Variants in RBMS3 observed in about 807,000 individuals in gnomAD.
The protein encoded by RBMS3 is RNA binding motif single stranded interacting protein 3, also known as RNA-binding motif, single-stranded-interacting protein 3.
Under a neutral mutation model 66.8 loss-of-function variants are expected in RBMS3, and 27 were observed. The ratio of observed to expected loss-of-function variants is 0.40; its 90% CI spans 0.30 to 0.56. The LOEUF is 0.56. Among genes scored for constraint, RBMS3 ranks in the 20% least tolerant of loss-of-function variants. The pLI is 0.40. For missense variants in RBMS3, 513 were observed against 549.5 expected (o/e 0.93, Z 0.66); for synonymous variants, 188 against 183.0 (o/e 1.03, Z -0.22).
At chr3:29,615,629 G>T (rs575150120) in intron 4 of RBMS3, among the ~76,000 whole-genome samples, 1 of 151,918 alleles carries the variant, frequency 6.6e-6, no homozygotes, top group Non-Finnish European at 1.5e-5. Flanking sequence ...TAATTACAGC[G>T]CTTTGGGGTG....
At chr3:29,777,675 A>G (rs2149404541) in intron 6 of RBMS3, among the ~76,000 whole-genome samples, 1 of 151,982 alleles carries the variant, frequency 6.6e-6, no homozygotes, top group South Asian at 2.1e-4. Flanking sequence ...TTCTATTGCT[A>G]CTTTCTCCAG....
intron 4 of RBMS3, among the ~76,000 whole-genome samples, chr3:29,689,261 C>T (rs1416379073): frequency 6.6e-6 from 1 of 151,458 alleles, no homozygotes; most frequent in African/African-American, 2.4e-5. Context: ...TTAAATTAAG[C>T]AAAATTCATA....
Position 29,798,937 on chromosome 3 carries a change from T to A in RBMS3, c.637+35948T>A, listed in dbSNP as rs1408477966. On this transcript the variant is annotated intron_variant, in intron 6 of 14. Coordinates refer to ENST00000383767, the MANE Select transcript of RBMS3 (RefSeq NM_001003793.3). ...ATGATTTGTACCCTCTGGTTTTTTT[T>A]TTTTTTTTTTTGTAATCACAAGGGA... is the stretch of plus-strand genomic sequence containing the variant. Among the ~76,000 whole-genome samples, 120 of 151,782 alleles carry A rather than the reference T, an allele frequency of 7.9e-4. 2 individuals are homozygous for A. The highest frequency in any genetic ancestry group is 2.8e-3 in the African/African-American group (115 of 41,386).
intron 10 of RBMS3, among the ~76,000 whole-genome samples, chr3:29,904,291 G>C (rs921324156): frequency 6.6e-6 from 1 of 151,766 alleles, no homozygotes; most frequent in African/African-American, 2.4e-5. Context: ...CTATTCTCCG[G>C]AAATACACAT....
chr3:29,836,700 A>G (rs923485714), intron 6 of RBMS3, among the ~76,000 whole-genome samples: 7 of 151,846 alleles, frequency 4.6e-5, no homozygotes, highest in African/African-American at 1.2e-4. Context: ...TAGATTTTTC[A>G]TATCCTTACA....
chr3:29,549,076 T>G (rs1181869207), intron 3 of RBMS3, among the ~76,000 whole-genome samples: 1 of 149,266 alleles, frequency 6.7e-6, no homozygotes, highest in Non-Finnish European at 1.5e-5. Flanking sequence ...TTTTTTTTTT[T>G]TTTTTTCCAT....
chr3:29,828,666 T>A (rs1021923647), intron 6 of RBMS3, among the ~76,000 whole-genome samples: 1 of 152,130 alleles, frequency 6.6e-6, no homozygotes, highest in African/African-American at 2.4e-5. Context: ...TTTCTCTAGA[T>A]GGGTATTAAA....
At chr3:29,973,103 A>G (rs1206087064) in intron 12 of RBMS3, among the ~76,000 whole-genome samples, 1 of 152,038 alleles carries the variant, frequency 6.6e-6, no homozygotes, top group Non-Finnish European at 1.5e-5. Flanking sequence ...AAATTTAAAG[A>G]CTGATAATAA....
At chr3:29,601,984 A>G (rs539498799) in intron 4 of RBMS3, among the ~76,000 whole-genome samples, 2 of 152,066 alleles carry the variant, frequency 1.3e-5, no homozygotes, top group Non-Finnish European at 2.9e-5. Flanking sequence ...TTTGTAGATT[A>G]GAAATGAAGA....
chr3:29,766,109 GC>G (rs1217144400), intron 6 of RBMS3: 1 of 151,908 alleles, frequency 6.6e-6, no homozygotes, highest in Admixed American at 6.6e-5. Context: ...ATAACTCTAA[GC>G]AAGTACTGAG....
At chr3:29,783,056 A>T (rs2056693539) in intron 6 of RBMS3, among the ~76,000 whole-genome samples, 1 of 152,202 alleles carries the variant, frequency 6.6e-6, no homozygotes, top group African/African-American at 2.4e-5. Context: ...AATATGTTAA[A>T]TGTCCAAACC....
chr3:29,739,644 A>G, intron 4 of RBMS3, 76 bp from the exon 5 acceptor site: 2 of 1,336,366 alleles, frequency 1.5e-6, no homozygotes, highest in Non-Finnish European at 1.0e-6. Flanking sequence ...ATTGCAGTTT[A>G]AACAAAAGTT....
At position 30,003,982 on chromosome 3, in the gene RBMS3, G is replaced by GTT; in HGVS notation, c.*129_*130dup. On this transcript the variant is annotated 3_prime_UTR_variant, in exon 15 of 15. Coordinates refer to ENST00000383767, the MANE Select transcript of RBMS3 (RefSeq NM_001003793.3). Reference sequence around the variant, plus strand: ...AATGCATTTTTTTGTTGTTGTTGTTGTTTTTTTTTTAGTGTTATACCTTAC... The same window carrying GTT: ...AATGCATTTTTTTGTTGTTGTTGTTGTTTTTTTTTTTTAGTGTTATACCTTAC... 173 of 728,568 alleles carry GTT rather than the reference G, an allele frequency of 2.4e-4. No individual in the cohort carries two copies. Among genetic ancestry groups the GTT allele is most frequent in the South Asian group, 4.1e-4 (9 of 21,976 alleles). 45.1% of individuals were successfully genotyped at this position (728,568 alleles called of 1,614,324 possible).
intron 6 of RBMS3, among the ~76,000 whole-genome samples, chr3:29,851,126 T>C (rs2058924509): frequency 6.6e-6 from 1 of 152,238 alleles, no homozygotes; most frequent in Non-Finnish European, 1.5e-5. Flanking sequence ...CTTATCTTTT[T>C]TTAGCACTTC....
chr3:29,655,363 A>G (rs1333536792), intron 4 of RBMS3, among the ~76,000 whole-genome samples: 1 of 152,182 alleles, frequency 6.6e-6, no homozygotes, highest in Non-Finnish European at 1.5e-5. Context: ...GTGAAGCATA[A>G]AGTAGCAATG....
intron 4 of RBMS3, among the ~76,000 whole-genome samples, chr3:29,701,576 G>A (rs116417230): frequency 1.3e-5 from 2 of 152,244 alleles, no homozygotes; most frequent in African/African-American, 4.8e-5. Flanking sequence ...GAGGTGTGGA[G>A]GGAGAGGCGC....
chr3:29,890,931 A>C (rs1380166112), intron 8 of RBMS3, among the ~76,000 whole-genome samples: 1 of 151,480 alleles, frequency 6.6e-6, no homozygotes, highest in Non-Finnish European at 1.5e-5. Context: ...GAGGAGAGGC[A>C]GTTGTGTTCT....
intron 6 of RBMS3, among the ~76,000 whole-genome samples, chr3:29,772,368 A>G (rs1212716593): frequency 6.6e-6 from 1 of 152,084 alleles, no homozygotes; most frequent in East Asian, 1.9e-4. Context: ...GTATTCACCG[A>G]CTATCATCCA....
At chr3:29,610,351 C>T (rs918085517) in intron 4 of RBMS3, among the ~76,000 whole-genome samples, 4 of 151,956 alleles carry the variant, frequency 2.6e-5, no homozygotes, top group East Asian at 3.9e-4. Context: ...TTCTCAAGTC[C>T]AGGCCTATGG....
Sources: allele counts gnomAD v4.1 joint callset (sites outside exome capture counted in the v4.1 genomes callset), GRCh38; gene constraint gnomAD v4.1.1; transcripts MANE v1.5; gene names NCBI Gene and HGNC (gene_info 2026-07-23, HGNC 2026-07-21).